ENTREP2: variants seen among roughly 807,000 people sequenced by gnomAD.
ENTREP2 encodes endosomal transmembrane epsin interactor 2, also known as protein ENTREP2.
At chr15:29,471,059 C>A in the ENTREP2 span, among the ~76,000 whole-genome samples, 8 of 152,320 alleles carry the variant, frequency 5.3e-5, no homozygotes, top group African/African-American at 1.9e-4. Context: ...ATTCATTAAG[C>A]AGAGCTCAGC....
At chr15:29,327,468 G>A in the ENTREP2 span, among the ~76,000 whole-genome samples, 6 of 151,956 alleles carry the variant, frequency 3.9e-5, no homozygotes, top group South Asian at 2.1e-4. Flanking sequence ...GCTAGCGGGC[G>A]CCTGTAGTCC....
chr15:29,491,073 A>G, the ENTREP2 span, among the ~76,000 whole-genome samples: 6,152 of 152,232 alleles, frequency 0.04, 397 homozygotes, highest in African/African-American at 0.14. Flanking sequence ...CAGGCGGGCC[A>G]GCAGTGCTAG....
the ENTREP2 span, among the ~76,000 whole-genome samples, chr15:29,550,044 C>G: frequency 6.6e-6 from 1 of 152,194 alleles, no homozygotes; most frequent in African/African-American, 2.4e-5. Flanking sequence ...CTGTTTCTTA[C>G]CCTCCAGACA....
At chr15:29,146,764 C>T in the ENTREP2 span, among the ~76,000 whole-genome samples, 236 of 152,182 alleles carry the variant, frequency 1.6e-3, 2 homozygotes, top group Admixed American at 9.6e-3. Context: ...GGTGAAACCC[C>T]GTCTCTACTA....
the ENTREP2 span, among the ~76,000 whole-genome samples, chr15:29,651,937 T>C: frequency 6.6e-6 from 1 of 152,146 alleles, no homozygotes; most frequent in Admixed American, 6.5e-5. Context: ...AGCCCCACCT[T>C]CTGGCTGGAG....
At chr15:29,296,825 G>A in the ENTREP2 span, among the ~76,000 whole-genome samples, 1 of 152,138 alleles carries the variant, frequency 6.6e-6, no homozygotes, top group South Asian at 2.1e-4. Context: ...CTTAAGAGCA[G>A]GTCTATCTCA....
the ENTREP2 span, among the ~76,000 whole-genome samples, chr15:29,545,027 C>G: frequency 6.6e-6 from 1 of 152,180 alleles, no homozygotes; most frequent in Non-Finnish European, 1.5e-5. Context: ...CTGCACACTA[C>G]TGTGTGGACA....
At chr15:29,258,109 A>C in the ENTREP2 span, among the ~76,000 whole-genome samples, 1 of 150,992 alleles carries the variant, frequency 6.6e-6, no homozygotes, top group Non-Finnish European at 1.5e-5. Flanking sequence ...GCTACTCAGG[A>C]GGCTGAGGCA....
the ENTREP2 span, among the ~76,000 whole-genome samples, chr15:29,651,418 C>G: frequency 6.6e-6 from 1 of 152,230 alleles, no homozygotes; most frequent in Non-Finnish European, 1.5e-5. Context: ...AGCGGCCCAT[C>G]TAGAATGGCA....
At chr15:29,626,023 A>G in the ENTREP2 span, among the ~76,000 whole-genome samples, 7 of 150,604 alleles carry the variant, frequency 4.6e-5, no homozygotes. Flanking sequence ...ATTTTTTTGT[A>G]TTTTAGTAGA....
At chr15:29,488,296 T>C in the ENTREP2 span, among the ~76,000 whole-genome samples, 4 of 152,258 alleles carry the variant, frequency 2.6e-5, no homozygotes, top group African/African-American at 9.6e-5. Flanking sequence ...TAAAAATCAC[T>C]AGAGCATCTC....
chr15:29,166,870 C>T, the ENTREP2 span, among the ~76,000 whole-genome samples: 16 of 151,968 alleles, frequency 1.1e-4, no homozygotes, highest in Admixed American at 5.9e-4. Context: ...CAAAGCAAGA[C>T]GAAGCAAAAA....
the ENTREP2 span, among the ~76,000 whole-genome samples, chr15:29,302,554 G>A: frequency 1.3e-5 from 2 of 152,148 alleles, no homozygotes; most frequent in African/African-American, 4.8e-5. Context: ...AAATGAATGA[G>A]AAATTAATGG....
At chr15:29,629,369 T>C in the ENTREP2 span, among the ~76,000 whole-genome samples, 1 of 152,366 alleles carries the variant, frequency 6.6e-6, no homozygotes, top group South Asian at 2.1e-4. Context: ...TCTCCAGTTC[T>C]TGTTCCTTTG....
At chr15:29,356,346 G>A in the ENTREP2 span, among the ~76,000 whole-genome samples, 2 of 114,244 alleles carry the variant, frequency 1.8e-5, no homozygotes, top group African/African-American at 6.6e-5. Context: ...TCGCTCTGTC[G>A]CCCAGGCTGG....
At chr15:29,589,353 G>A in the ENTREP2 span, among the ~76,000 whole-genome samples, 7 of 152,192 alleles carry the variant, frequency 4.6e-5, 1 homozygote, top group African/African-American at 9.6e-5. Flanking sequence ...TTAAAACCTC[G>A]CCTTCTTGGC....
At chr15:29,316,378 C>A in the ENTREP2 span, among the ~76,000 whole-genome samples, 1 of 152,112 alleles carries the variant, frequency 6.6e-6, no homozygotes, top group Non-Finnish European at 1.5e-5. Context: ...AGAGACCTAA[C>A]AACCCAATGC....
chr15:29,356,695 GA>G, the ENTREP2 span, among the ~76,000 whole-genome samples: 1 of 151,984 alleles, frequency 6.6e-6, no homozygotes, highest in African/African-American at 2.4e-5. Flanking sequence ...GTCCTCTGCA[GA>G]AAAAATCTTA....
chr15:29,501,299 T>C, the ENTREP2 span, among the ~76,000 whole-genome samples: 1 of 152,076 alleles, frequency 6.6e-6, no homozygotes. Flanking sequence ...AAATGGAATC[T>C]AACAGCATAT....
Sources: gnomAD v4.1 joint callset for allele counts (sites outside exome capture counted in the v4.1 genomes callset) on GRCh38, gnomAD v4.1.1 for gene constraint, MANE v1.5 for transcripts, NCBI Gene and HGNC (gene_info 2026-07-23, HGNC 2026-07-21) for gene names.